The following ARHGAP24 variants were observed in gnomAD, a reference collection of about 807,000 sequenced individuals.
The protein encoded by ARHGAP24 is rho GTPase-activating protein 24.
In ARHGAP24, 50 loss-of-function variants were observed where a neutral mutation model predicts 76.4. That is an observed-to-expected ratio of 0.65 (90% CI 0.52 to 0.83). The LOEUF is 0.83. Among genes scored for constraint, ARHGAP24 ranks in the 40% least tolerant of loss-of-function variants. The probability of loss-of-function intolerance (pLI) is 0.00; values close to 1 mark genes in which losing one functional copy is unlikely to be tolerated. For missense variants in ARHGAP24, 930 were observed against 914.2 expected (o/e 1.02, Z -0.22); for synonymous variants, 345 against 323.3 (o/e 1.07, Z -0.72).
intron 2 of ARHGAP24, among the ~76,000 whole-genome samples, chr4:85,635,761 C>T (rs1190437594): frequency 6.6e-6 from 1 of 151,856 alleles, no homozygotes; most frequent in Non-Finnish European, 1.5e-5. Context: ...AGGACCATAT[C>T]TATTTTGTTT....
intron 8 of ARHGAP24, among the ~76,000 whole-genome samples, chr4:85,979,583 T>C (rs1041553778): frequency 3.9e-5 from 6 of 152,198 alleles, no homozygotes; most frequent in Non-Finnish European, 8.8e-5. Context: ...ATACTTGTTG[T>C]GACTGGCTTA....
intron 2 of ARHGAP24, among the ~76,000 whole-genome samples, chr4:85,659,398 T>A (rs1428152984): frequency 6.6e-6 from 1 of 152,194 alleles, no homozygotes; most frequent in Non-Finnish European, 1.5e-5. Flanking sequence ...AGATTAAAGT[T>A]TATCTGTTGT....
At chr4:85,698,739 C>T (rs1195530236) in intron 2 of ARHGAP24, among the ~76,000 whole-genome samples, 1 of 152,184 alleles carries the variant, frequency 6.6e-6, no homozygotes, top group Non-Finnish European at 1.5e-5. Flanking sequence ...TTTGTCCTCC[C>T]ATGACAAAGA....
chr4:85,525,257 CT>C (rs34087239), intron 1 of ARHGAP24, among the ~76,000 whole-genome samples: 2,220 of 128,272 alleles, frequency 0.017, 16 homozygotes, highest in Middle Eastern at 0.025. Flanking sequence ...GTATTATCGG[CT>C]TTTTTTTTTT....
intron 2 of ARHGAP24, among the ~76,000 whole-genome samples, chr4:85,719,031 TA>T (rs1279741805): frequency 1.3e-5 from 2 of 152,132 alleles, no homozygotes; most frequent in African/African-American, 4.8e-5. Context: ...CACATGTGGA[TA>T]AAATGAATAT....
intron 3 of ARHGAP24, among the ~76,000 whole-genome samples, chr4:85,793,647 G>A (rs911808837): frequency 6.6e-6 from 1 of 152,106 alleles, no homozygotes; most frequent in Non-Finnish European, 1.5e-5. Context: ...TAAAATCTCA[G>A]ATAAAATATG....
rs371299296 is a variant in ARHGAP24 at position 85,490,645 on chromosome 4, ATTTG to A, written c.-21+15091_-21+15094del. The stretch of plus-strand genomic sequence containing the variant: ...TAGTTAAACAATCAAGCCATGGAAC[ATTTG>A]TTTGGGAGCTTTGAGGAAGGTTTTA... On this transcript the variant is annotated intron_variant, in intron 1 of 9. Coordinates refer to ENST00000395184, the MANE Select transcript of ARHGAP24 (RefSeq NM_001025616.3). Among the ~76,000 whole-genome samples the A allele has an allele frequency of 4.6e-3, 699 of 152,304 alleles. 5 individuals are homozygous for A. The highest frequency in any genetic ancestry group is 0.016 in the African/African-American group (670 of 41,558).
intron 1 of ARHGAP24, among the ~76,000 whole-genome samples, chr4:85,519,416 G>T (rs1394814455): frequency 6.6e-6 from 1 of 152,080 alleles, no homozygotes; most frequent in African/African-American, 2.4e-5. Context: ...CATAGCTAAT[G>T]TCCTTCTCCT....
chr4:85,686,534 T>G (rs879056670), intron 2 of ARHGAP24: 4 of 152,108 alleles, frequency 2.6e-5, no homozygotes, highest in Non-Finnish European at 5.9e-5. Flanking sequence ...CAAATTAAAT[T>G]CTGGAGAGGT....
In ARHGAP24 at chr4:85,527,664, A is replaced by G. The variant is rs79635075; in HGVS notation, c.-20-42858A>G. On this transcript the variant is annotated intron_variant, in intron 1 of 9. Transcript: ENST00000395184. ...TCTTCCTCTATGTGTTCAAGGGAGG[A>G]CAACTTAATGTTTTGTTTTTATTTT... Among the ~76,000 whole-genome samples the G allele has an allele frequency of 9.8e-3, 1,487 of 152,072 alleles. 13 individuals are homozygous for G. The highest frequency in any genetic ancestry group is 0.019 in the East Asian group (96 of 5,152).
intron 1 of ARHGAP24, among the ~76,000 whole-genome samples, chr4:85,512,407 G>C (rs750000489): frequency 6.6e-6 from 1 of 152,234 alleles, no homozygotes. Flanking sequence ...CCCAAGCTTA[G>C]TACCTGGCTT....
chr4:85,713,143 T>A lies in ARHGAP24; in HGVS notation c.181-8742T>A, dbSNP rs148843497. ...CAAAACCCCATCTCTACAAAAAATT[T>A]AAAAATTAGCCAGGCGTGGTGGCAT... On this transcript the variant is annotated intron_variant, in intron 2 of 9. Coordinates refer to ENST00000395184, the MANE Select transcript of ARHGAP24 (RefSeq NM_001025616.3). Among the ~76,000 whole-genome samples the A allele has an allele frequency of 5.3e-3, 805 of 151,996 alleles. 7 individuals carry two copies. Among genetic ancestry groups the A allele is most frequent in the African/African-American group, 0.018 (761 of 41,460 alleles).
intron 3 of ARHGAP24, among the ~76,000 whole-genome samples, chr4:85,897,397 A>G (rs1734237786): frequency 6.6e-6 from 1 of 152,204 alleles, no homozygotes. Context: ...TCCTTCACTC[A>G]TATGTGATCC....
At chr4:85,973,833 G>GTTTTT (rs1199796194) in intron 6 of ARHGAP24, among the ~76,000 whole-genome samples, 7,802 of 42,212 alleles carry the variant, frequency 0.18, 2,303 homozygotes, top group East Asian at 0.23. Context: ...GCTGCCTATT[G>GTTTTT]TTTTTTTTTT....
chr4:85,627,029 T>C (rs1720981711), intron 2 of ARHGAP24, among the ~76,000 whole-genome samples: 1 of 152,182 alleles, frequency 6.6e-6, no homozygotes, highest in South Asian at 2.1e-4. Context: ...AATTTCCTCC[T>C]GTAGCTTGGA....
At chr4:85,748,048 T>C (rs901714950) in intron 3 of ARHGAP24, among the ~76,000 whole-genome samples, 1 of 152,242 alleles carries the variant, frequency 6.6e-6, no homozygotes, top group African/African-American at 2.4e-5. Flanking sequence ...AGTTGACAGA[T>C]ACAAAATACA....
intron 3 of ARHGAP24, among the ~76,000 whole-genome samples, chr4:85,865,050 C>CA (rs1414933659): frequency 5.3e-5 from 8 of 152,144 alleles, no homozygotes; most frequent in African/African-American, 1.9e-4. Flanking sequence ...ATCCAACAGT[C>CA]GTTAGGAGGC....
chr4:85,807,863 G>A (rs1036756904), intron 3 of ARHGAP24, among the ~76,000 whole-genome samples: 1 of 152,120 alleles, frequency 6.6e-6, no homozygotes. Flanking sequence ...GCTAGTCTTG[G>A]AGAGTATGTT....
intron 1 of ARHGAP24, among the ~76,000 whole-genome samples, chr4:85,559,341 C>T (rs1726507815): frequency 6.6e-6 from 1 of 152,184 alleles, no homozygotes; most frequent in Non-Finnish European, 1.5e-5. Context: ...TTTGGAAATA[C>T]ACATACATTC....
Sources: gnomAD v4.1 joint callset for allele counts (sites outside exome capture counted in the v4.1 genomes callset) on GRCh38, gnomAD v4.1.1 for gene constraint, MANE v1.5 for transcripts, NCBI Gene and HGNC (gene_info 2026-07-23, HGNC 2026-07-21) for gene names.